The following TOX variants were observed in gnomAD, a reference collection of about 807,000 sequenced individuals.
TOX encodes thymocyte selection-associated high mobility group box protein TOX.
In TOX, 11 loss-of-function variants were observed where a neutral mutation model predicts 53.7. The ratio of observed to expected loss-of-function variants is 0.20; its 90% CI spans 0.13 to 0.34. The LOEUF is 0.34. Among genes scored for constraint, TOX ranks in the 10% least tolerant of loss-of-function variants. TOX has a pLI of 1.00. For missense variants in TOX, 570 were observed against 664.6 expected, an observed-to-expected ratio of 0.86 and a Z score of 1.56; for synonymous variants, 225 against 245.3, an observed-to-expected ratio of 0.92 and a Z score of 0.77.
chr8:58,857,707 C>T (rs1423375875), intron 3 of TOX, among the ~76,000 whole-genome samples: 1 of 152,132 alleles, frequency 6.6e-6, no homozygotes, highest in Non-Finnish European at 1.5e-5. Flanking sequence ...AAGGTGCAAA[C>T]ATGAGGCACA....
At chr8:59,090,055 T>C (rs1804584279) in intron 1 of TOX, among the ~76,000 whole-genome samples, 2 of 152,234 alleles carry the variant, frequency 1.3e-5, no homozygotes, top group African/African-American at 2.4e-5. Context: ...ACAAAACCAT[T>C]TGTTTCCTAA....
At chr8:59,035,561 A>G (rs1814443552) in intron 1 of TOX, among the ~76,000 whole-genome samples, 2 of 152,332 alleles carry the variant, frequency 1.3e-5, no homozygotes, top group South Asian at 4.1e-4. Context: ...TGCTTAAGCA[A>G]ACAAACAGAA....
intron 1 of TOX, among the ~76,000 whole-genome samples, chr8:58,965,912 T>C: frequency 6.8e-6 from 1 of 146,472 alleles, no homozygotes; most frequent in African/African-American, 2.5e-5. Context: ...TTTTTTTTTT[T>C]TTTTTTTTTT....
intron 1 of TOX, among the ~76,000 whole-genome samples, chr8:59,085,053 G>T (rs1477118482): frequency 6.6e-6 from 1 of 152,100 alleles, no homozygotes; most frequent in Non-Finnish European, 1.5e-5. Flanking sequence ...ATAAAAAGTA[G>T]ATAGAAATGG....
chr8:59,077,600 G>A (rs1804314264), intron 1 of TOX, among the ~76,000 whole-genome samples: 1 of 152,112 alleles, frequency 6.6e-6, no homozygotes, highest in African/African-American at 2.4e-5. Context: ...TCCTGGCACT[G>A]AGATCTGCTG....
At chr8:58,862,415 T>C (rs1811025762) in intron 3 of TOX, among the ~76,000 whole-genome samples, 1 of 152,164 alleles carries the variant, frequency 6.6e-6, no homozygotes, top group Non-Finnish European at 1.5e-5. Flanking sequence ...TATGGTTTTA[T>C]AAACTTTGAG....
intron 1 of TOX, among the ~76,000 whole-genome samples, chr8:59,112,296 GTAT>G (rs1356616566): frequency 1.3e-5 from 2 of 152,190 alleles, no homozygotes; most frequent in Non-Finnish European, 2.9e-5. Flanking sequence ...ATGTCTCAAA[GTAT>G]TATGGAAGAA....
intron 1 of TOX, among the ~76,000 whole-genome samples, chr8:59,063,351 T>A (rs1021195014): frequency 6.6e-5 from 10 of 150,450 alleles, no homozygotes; most frequent in African/African-American, 2.2e-4. Flanking sequence ...ATTTGCAAAA[T>A]TTTTTTTTTA....
intron 1 of TOX, among the ~76,000 whole-genome samples, chr8:59,071,330 G>A (rs969608766): frequency 2.0e-5 from 3 of 152,132 alleles, no homozygotes; most frequent in Admixed American, 6.5e-5. Context: ...ACCTGCTTAC[G>A]TCTTTGAGAG....
intron 2 of TOX, among the ~76,000 whole-genome samples, chr8:58,946,677 G>C (rs1018168391): frequency 1.3e-5 from 2 of 152,112 alleles, no homozygotes; most frequent in African/African-American, 4.8e-5. Flanking sequence ...GAAATTTTTG[G>C]TAGAAAGTAT....
chr8:58,922,162 G>A (rs1020421539), intron 3 of TOX, among the ~76,000 whole-genome samples: 1 of 139,234 alleles, frequency 7.2e-6, no homozygotes, highest in Non-Finnish European at 1.6e-5. Context: ...ACTTCATGTG[G>A]CTGATAAGCC....
At chr8:59,044,301 A>C (rs1408714849) in intron 1 of TOX, among the ~76,000 whole-genome samples, 1 of 152,042 alleles carries the variant, frequency 6.6e-6, no homozygotes, top group Non-Finnish European at 1.5e-5. Context: ...AAAACTGTGA[A>C]TAATTAACAG....
At chr8:59,092,361 A>ATTATGTATACAT (rs1379049866) in intron 1 of TOX, among the ~76,000 whole-genome samples, 1 of 129,738 alleles carries the variant, frequency 7.7e-6, no homozygotes, top group African/African-American at 3.2e-5. Context: ...TATATTATAT[A>ATTATGTATACAT]TATATAATAA....
At chr8:58,994,368 A>G (rs1813514412) in intron 1 of TOX, among the ~76,000 whole-genome samples, 1 of 150,300 alleles carries the variant, frequency 6.7e-6, no homozygotes, top group African/African-American at 2.4e-5. Context: ...ATCCCTATTT[A>G]GTTTATAGCT....
At chr8:58,812,948 C>G (rs1344592193) in intron 7 of TOX, among the ~76,000 whole-genome samples, 1 of 152,130 alleles carries the variant, frequency 6.6e-6, no homozygotes, top group Non-Finnish European at 1.5e-5. Context: ...GACTACTTAC[C>G]ATGATCAAGG....
chr8:59,081,061 C>CT (rs1471725783), intron 1 of TOX, among the ~76,000 whole-genome samples: 2 of 152,134 alleles, frequency 1.3e-5, no homozygotes, highest in Non-Finnish European at 2.9e-5. Flanking sequence ...GAGTCTCACT[C>CT]TGTCGCCCAG....
At chr8:59,000,766 C>T (rs913060430) in intron 1 of TOX, among the ~76,000 whole-genome samples, 2 of 152,046 alleles carry the variant, frequency 1.3e-5, no homozygotes, top group Non-Finnish European at 1.5e-5. Context: ...TATCAGTGAT[C>T]AAAAATATAC....
At chr8:58,958,473 C>CA (rs1226533503) in intron 2 of TOX, among the ~76,000 whole-genome samples, 1 of 152,128 alleles carries the variant, frequency 6.6e-6, no homozygotes, top group Non-Finnish European at 1.5e-5. Flanking sequence ...CTAAAGGCAC[C>CA]AAAGAGATGA....
chr8:59,084,230 AT>A (rs1398380923), intron 1 of TOX, among the ~76,000 whole-genome samples: 3 of 152,194 alleles, frequency 2.0e-5, no homozygotes, highest in Non-Finnish European at 4.4e-5. Flanking sequence ...AGGACTTAAA[AT>A]ATTACATCTT....
Sources: allele counts gnomAD v4.1 joint callset (sites outside exome capture counted in the v4.1 genomes callset), GRCh38; gene constraint gnomAD v4.1.1; transcripts MANE v1.5; gene names NCBI Gene and HGNC (gene_info 2026-07-23, HGNC 2026-07-21).